The following SEC11A variants were observed in gnomAD, a reference collection of about 807,000 sequenced individuals.
The protein encoded by SEC11A is signal peptidase complex catalytic subunit SEC11A.
In SEC11A, 14 loss-of-function variants were observed where a neutral mutation model predicts 25.6. The ratio of observed to expected loss-of-function variants is 0.55; its 90% CI spans 0.36 to 0.85. The LOEUF (loss-of-function observed/expected upper bound fraction) is 0.85, where lower values mean the gene tolerates loss of function less well. SEC11A is among the 40% of genes least tolerant of loss of function. The pLI is 0.01. For missense variants in SEC11A, 153 were observed against 222.9 expected, an observed-to-expected ratio of 0.69 and a Z score of 2.00; for synonymous variants, 83 against 76.4, an observed-to-expected ratio of 1.09 and a Z score of -0.45.
At chr15:84,671,464 G>A (rs1451255596) in intron 4 of SEC11A, 1 of 151,936 alleles carries the variant, frequency 6.6e-6, no homozygotes, top group Non-Finnish European at 1.5e-5. Flanking sequence ...CTAACTCTTT[G>A]GCTGCTACAC....
At chr15:84,705,675 T>C (rs948581901) in intron 1 of SEC11A, among the ~76,000 whole-genome samples, 3 of 151,512 alleles carry the variant, frequency 2.0e-5, no homozygotes, top group Non-Finnish European at 4.4e-5. Context: ...GTCAACATGG[T>C]GAAACCCCGC....
At chr15:84,700,918 T>A (rs1897916469) in intron 1 of SEC11A, among the ~76,000 whole-genome samples, 1 of 142,254 alleles carries the variant, frequency 7.0e-6, no homozygotes, top group East Asian at 2.1e-4. Context: ...AGGCAGAGGT[T>A]GCAGTAAGCC....
intron 1 of SEC11A, among the ~76,000 whole-genome samples, chr15:84,701,742 A>T (rs1009698020): frequency 2.6e-5 from 4 of 152,312 alleles, no homozygotes; most frequent in African/African-American, 9.6e-5. Context: ...GAAGAAAAAA[A>T]AAGCAAGCTG....
At chr15:84,715,325 G>C (rs1596088470) in intron 1 of SEC11A, among the ~76,000 whole-genome samples, 1 of 152,160 alleles carries the variant, frequency 6.6e-6, no homozygotes, top group Non-Finnish European at 1.5e-5. Flanking sequence ...AATATTCTCA[G>C]TACTATTTGG....
intron 3 of SEC11A, among the ~76,000 whole-genome samples, chr15:84,681,376 T>A (rs557952294): frequency 6.6e-6 from 1 of 152,312 alleles, no homozygotes; most frequent in Admixed American, 6.5e-5. Context: ...ACGCCTGTAA[T>A]CCCAGCACTT....
intron 1 of SEC11A, among the ~76,000 whole-genome samples, chr15:84,714,302 C>G (rs983000928): frequency 1.3e-5 from 2 of 152,222 alleles, no homozygotes; most frequent in African/African-American, 4.8e-5. Flanking sequence ...GCGTGAGCCA[C>G]CGCACCCAGT....
intron 1 of SEC11A, among the ~76,000 whole-genome samples, chr15:84,705,053 T>C (rs1427353403): frequency 6.6e-6 from 1 of 151,828 alleles, no homozygotes; most frequent in East Asian, 1.9e-4. Context: ...GCCTACCGAG[T>C]AGCTAGGACT....
intron 5 of SEC11A, 62 bp downstream of exon 5, chr15:84,670,663 A>G: frequency 1.2e-6 from 1 of 811,530 alleles, no homozygotes; most frequent in Non-Finnish European, 2.0e-6. Flanking sequence ...TACAGGCTTG[A>G]GCCACTGTGC....
chr15:84,677,451 T>C (rs993648946), intron 4 of SEC11A, among the ~76,000 whole-genome samples: 10 of 151,366 alleles, frequency 6.6e-5, no homozygotes, highest in Non-Finnish European at 1.0e-4. Context: ...CATTAAATAG[T>C]GTGGAATTTT....
At chr15:84,700,983 T>C (rs1025721779) in intron 1 of SEC11A, among the ~76,000 whole-genome samples, 5 of 14,694 alleles carry the variant, frequency 3.4e-4, no homozygotes, top group African/African-American at 1.9e-3. Context: ...AAACTCCATA[T>C]CAAAAAAAAA....
At chr15:84,704,388 TAATAG>T (rs1898035693) in intron 1 of SEC11A, among the ~76,000 whole-genome samples, 1 of 152,180 alleles carries the variant, frequency 6.6e-6, no homozygotes, top group Non-Finnish European at 1.5e-5. Context: ...TGGCCTGAAA[TAATAG>T]AATAGTAGGC....
chr15:84,682,176 C>T (rs1897298997), intron 3 of SEC11A, among the ~76,000 whole-genome samples: 1 of 151,944 alleles, frequency 6.6e-6, no homozygotes, highest in Admixed American at 6.6e-5. Flanking sequence ...TTCCTCATAC[C>T]CTTCTGTACA....
intron 4 of SEC11A, chr15:84,673,315 C>T (rs1481456578): frequency 6.2e-5 from 12 of 192,028 alleles, no homozygotes; most frequent in Non-Finnish European, 8.4e-5. Flanking sequence ...ATAGAAAGGG[C>T]GGAAAGGTGG....
chr15:84,673,430 GAAA>G (rs1178052868), intron 4 of SEC11A: 198 of 144,028 alleles, frequency 1.4e-3, no homozygotes, highest in South Asian at 4.2e-3. Context: ...TCTGCCTTGG[GAAA>G]AAAAAAAAAA....
chr15:84,677,852 C>G (rs1308359575), intron 4 of SEC11A, among the ~76,000 whole-genome samples: 1 of 152,068 alleles, frequency 6.6e-6, no homozygotes, highest in East Asian at 1.9e-4. Flanking sequence ...GCATCTTTTA[C>G]CCAACCAATG....
chr15:84,693,663 G>C (rs1897675563), intron 1 of SEC11A, among the ~76,000 whole-genome samples: 1 of 151,838 alleles, frequency 6.6e-6, no homozygotes, highest in African/African-American at 2.4e-5. Context: ...GTTTCACCAT[G>C]CTGGCCAGAC....
chr15:84,675,370 CCAAA>C lies in SEC11A; in HGVS notation c.432-4592_432-4589del, dbSNP rs1365207118. Among the ~76,000 whole-genome samples, 12 of 152,160 alleles carry C rather than the reference CCAAA, an allele frequency of 7.9e-5. No homozygotes were observed. The South Asian group carries it at 1.2e-3, about 16-fold the overall frequency. On this transcript the variant is annotated intron_variant, in intron 4 of 5. Transcript: ENST00000268220. ...CTCATAGAGATCATTAGACAAAAGG[CCAAA>C]CAAACAGTAAAGAAAAGATGCCACA...
At chr15:84,691,418 GGCCCTTTTCTGGA>G in intron 2 of SEC11A, 104 bp downstream of exon 2, 1 of 622,296 alleles carries the variant, frequency 1.6e-6, no homozygotes, top group Non-Finnish European at 2.8e-6. Context: ...TTTTCTTCCA[GGCCCTTTTCTGGA>G]AAAGAGTAGT....
chr15:84,680,396 G>A (rs1201446491), intron 4 of SEC11A, among the ~76,000 whole-genome samples: 1 of 152,094 alleles, frequency 6.6e-6, no homozygotes, highest in Non-Finnish European at 1.5e-5. Context: ...GGACGTAAGA[G>A]CACATGGAAG....
Sources: gnomAD v4.1 joint callset for allele counts (sites outside exome capture counted in the v4.1 genomes callset) on GRCh38, gnomAD v4.1.1 for gene constraint, MANE v1.5 for transcripts, NCBI Gene and HGNC (gene_info 2026-07-23, HGNC 2026-07-21) for gene names.